The following DLG2 variants were observed in gnomAD, a reference collection of about 807,000 sequenced individuals.
DLG2 encodes disks large homolog 2.
In DLG2, 45 loss-of-function variants were observed where a neutral mutation model predicts 132.5. The observed-to-expected ratio is 0.34, with a 90% CI of 0.27 to 0.44. The LOEUF is 0.44. DLG2 is among the 20% of genes least tolerant of loss of function. The pLI is 1.00. For missense variants in DLG2, 1,045 were observed against 1,196.9 expected, an observed-to-expected ratio of 0.87 and a Z score of 1.87; for synonymous variants, 424 against 419.6, an observed-to-expected ratio of 1.01 and a Z score of -0.13.
At chr11:85,195,478 C>T (rs995387432) in intron 4 of DLG2, among the ~76,000 whole-genome samples, 1 of 149,844 alleles carries the variant, frequency 6.7e-6, no homozygotes, top group African/African-American at 2.5e-5. Flanking sequence ...TAGAATTGGG[C>T]AAACTTAAAT....
intron 2 of DLG2, among the ~76,000 whole-genome samples, chr11:85,606,565 TG>T (rs1269165880): frequency 6.6e-6 from 1 of 152,050 alleles, no homozygotes; most frequent in African/African-American, 2.4e-5. Flanking sequence ...AGGATGTGGG[TG>T]GGGCCAAATA....
At chr11:85,269,690 G>A (rs752834920) in intron 4 of DLG2, among the ~76,000 whole-genome samples, 5 of 152,104 alleles carry the variant, frequency 3.3e-5, no homozygotes, top group Admixed American at 1.3e-4. Flanking sequence ...AAGCATAATC[G>A]TACCAATTCC....
intron 20 of DLG2, among the ~76,000 whole-genome samples, chr11:83,540,790 G>C (rs2096045172): frequency 6.6e-6 from 1 of 152,172 alleles, no homozygotes. Flanking sequence ...GAAATCTGCA[G>C]CTTGAGAAAA....
intron 8 of DLG2, among the ~76,000 whole-genome samples, chr11:84,214,325 ATGT>A (rs1180636553): frequency 2.7e-5 from 4 of 148,676 alleles, no homozygotes; most frequent in African/African-American, 9.9e-5. Flanking sequence ...ATGTTTATAT[ATGT>A]TTTTATGTGT....
At chr11:83,459,965 C>T (rs768675161) in intron 27 of DLG2, 41 bp from the exon 28 acceptor site, 1 of 1,171,080 alleles carries the variant, frequency 8.5e-7, no homozygotes, top group Non-Finnish European at 1.3e-6. Context: ...GAAATAATTT[C>T]CTGGATGGTG....
At chr11:85,144,637 A>G (rs1191771680) in intron 5 of DLG2, among the ~76,000 whole-genome samples, 1 of 151,894 alleles carries the variant, frequency 6.6e-6, no homozygotes, top group Non-Finnish European at 1.5e-5. Context: ...AATATCTTGT[A>G]AAAAATAATT....
intron 3 of DLG2, among the ~76,000 whole-genome samples, chr11:85,292,856 T>C (rs1445129482): frequency 1.3e-5 from 2 of 151,814 alleles, no homozygotes; most frequent in Non-Finnish European, 2.9e-5. Context: ...ACCAAGGCTT[T>C]TTGGAGAAAG....
chr11:84,913,372 T>C (rs1270345331), intron 6 of DLG2, among the ~76,000 whole-genome samples: 1 of 152,210 alleles, frequency 6.6e-6, no homozygotes, highest in Non-Finnish European at 1.5e-5. Flanking sequence ...ATATATTTTT[T>C]TCCCAACTGC....
At chr11:83,954,325 A>C (rs1382626464) in intron 14 of DLG2, among the ~76,000 whole-genome samples, 3 of 152,184 alleles carry the variant, frequency 2.0e-5, no homozygotes, top group African/African-American at 7.2e-5. Flanking sequence ...ATGATTCTTC[A>C]TGGTTTATAT....
intron 6 of DLG2, among the ~76,000 whole-genome samples, chr11:84,950,319 T>C (rs1246132556): frequency 6.6e-6 from 1 of 152,188 alleles, no homozygotes; most frequent in Non-Finnish European, 1.5e-5. Context: ...GTGGGTGTTA[T>C]CTAATTCCAA....
chr11:83,468,280 G>A (rs2091491069), intron 25 of DLG2, among the ~76,000 whole-genome samples: 1 of 152,118 alleles, frequency 6.6e-6, no homozygotes, highest in African/African-American at 2.4e-5. Context: ...TTATTACTTA[G>A]GTAATAGATT....
chr11:85,576,831 A>C (rs2153227056), intron 3 of DLG2, among the ~76,000 whole-genome samples: 1 of 152,290 alleles, frequency 6.6e-6, no homozygotes, highest in East Asian at 1.9e-4. Flanking sequence ...TAACAGAAAA[A>C]AGAGTAACGG....
chr11:84,863,231 G>C (rs1419012205), intron 6 of DLG2, among the ~76,000 whole-genome samples: 1 of 152,058 alleles, frequency 6.6e-6, no homozygotes, highest in Admixed American at 6.6e-5. Context: ...GGATTGTCCA[G>C]TTTCATTCTT....
chr11:84,536,477 T>C (rs1048565352), intron 6 of DLG2, among the ~76,000 whole-genome samples: 35 of 152,104 alleles, frequency 2.3e-4, no homozygotes, highest in Admixed American at 2.2e-3. Flanking sequence ...GAACTGCAAA[T>C]ACCATGCTTT....
At chr11:85,007,411 A>G (rs1461926142) in intron 6 of DLG2, among the ~76,000 whole-genome samples, 4 of 152,102 alleles carry the variant, frequency 2.6e-5, no homozygotes, top group Non-Finnish European at 5.9e-5. Flanking sequence ...CTGTAATCCC[A>G]GCACTTTGGG....
At chr11:84,612,062 C>T (rs1593745851) in intron 6 of DLG2, among the ~76,000 whole-genome samples, 2 of 152,112 alleles carry the variant, frequency 1.3e-5, no homozygotes, top group Non-Finnish European at 1.5e-5. Context: ...ATATCCATTG[C>T]TCTCAAAAGT....
chr11:84,502,245 T>TC (rs1555631151), intron 7 of DLG2, among the ~76,000 whole-genome samples: 1 of 44,590 alleles, frequency 2.2e-5, no homozygotes. Context: ...CTTCCTTCCT[T>TC]CCTTCCTTCC....
At chr11:85,344,402 G>A (rs1371616267) in intron 3 of DLG2, among the ~76,000 whole-genome samples, 1 of 152,124 alleles carries the variant, frequency 6.6e-6, no homozygotes, top group Non-Finnish European at 1.5e-5. Context: ...CTTCTTTAGA[G>A]CCTAATGACG....
At chr11:85,468,664 G>A (rs1411222901) in intron 3 of DLG2, among the ~76,000 whole-genome samples, 1 of 152,170 alleles carries the variant, frequency 6.6e-6, no homozygotes, top group Non-Finnish European at 1.5e-5. Flanking sequence ...TGATTGCACT[G>A]TGGTCTGAGA....
Sources: gnomAD v4.1 joint callset for allele counts (sites outside exome capture counted in the v4.1 genomes callset) on GRCh38, gnomAD v4.1.1 for gene constraint, MANE v1.5 for transcripts, NCBI Gene and HGNC (gene_info 2026-07-23, HGNC 2026-07-21) for gene names.